The following ASIC2 variants were observed in gnomAD, a reference collection of about 807,000 sequenced individuals.
ASIC2 encodes acid-sensing ion channel 2.
In ASIC2, 25 loss-of-function variants were observed where a neutral mutation model predicts 57.3. That is an observed-to-expected ratio of 0.44 (90% CI 0.32 to 0.61). The LOEUF is 0.61. ASIC2 is among the 20% of genes least tolerant of loss of function. The probability of loss-of-function intolerance (pLI) is 0.06; values close to 1 mark genes in which losing one functional copy is unlikely to be tolerated. For missense variants in ASIC2, 641 were observed against 738.1 expected (o/e 0.87, Z 1.52); for synonymous variants, 319 against 307.5 (o/e 1.04, Z -0.39).
intron 1 of ASIC2, among the ~76,000 whole-genome samples, chr17:33,699,907 C>A (rs909980494): frequency 6.6e-6 from 1 of 152,100 alleles, no homozygotes; most frequent in Non-Finnish European, 1.5e-5. Flanking sequence ...ACAGGACTTT[C>A]GTTTTTAGCA....
At chr17:33,298,964 T>C (rs1905837146) in intron 1 of ASIC2, among the ~76,000 whole-genome samples, 1 of 152,190 alleles carries the variant, frequency 6.6e-6, no homozygotes, top group African/African-American at 2.4e-5. Context: ...GGAAGAACAT[T>C]CCATGCTCAT....
intron 1 of ASIC2, among the ~76,000 whole-genome samples, chr17:33,341,861 G>T (rs1015347220): frequency 6.6e-6 from 1 of 152,146 alleles, no homozygotes; most frequent in Non-Finnish European, 1.5e-5. Context: ...TAAGTTGAAG[G>T]TTTGCCCTGG....
At chr17:33,277,434 G>A (rs554974384) in intron 1 of ASIC2, among the ~76,000 whole-genome samples, 5 of 152,158 alleles carry the variant, frequency 3.3e-5, no homozygotes, top group Admixed American at 1.3e-4. Flanking sequence ...CTGTAAAACA[G>A]GAACAATTCA....
chr17:33,094,470 A>G (rs540002543), intron 2 of ASIC2, among the ~76,000 whole-genome samples: 2 of 152,174 alleles, frequency 1.3e-5, no homozygotes, highest in African/African-American at 4.8e-5. Flanking sequence ...AGCCTTGCCC[A>G]TGCCTTTGTT....
chr17:33,322,481 A>G (rs2069740159), intron 1 of ASIC2, among the ~76,000 whole-genome samples: 1 of 152,186 alleles, frequency 6.6e-6, no homozygotes. Flanking sequence ...TGTGTGCCCA[A>G]TTAATCCACC....
chr17:33,837,069 G>C (rs1003827589), intron 1 of ASIC2, among the ~76,000 whole-genome samples: 1 of 152,144 alleles, frequency 6.6e-6, no homozygotes, highest in Non-Finnish European at 1.5e-5. Context: ...TACTGATTAC[G>C]TGGGCTGAAA....
chr17:33,712,912 T>C (rs1358340039), intron 1 of ASIC2, among the ~76,000 whole-genome samples: 1 of 152,128 alleles, frequency 6.6e-6, no homozygotes, highest in Non-Finnish European at 1.5e-5. Flanking sequence ...CCCAAAGTGC[T>C]GGGATTACAG....
intron 1 of ASIC2, among the ~76,000 whole-genome samples, chr17:33,577,525 G>A (rs1916663935): frequency 6.6e-6 from 1 of 152,058 alleles, no homozygotes. Flanking sequence ...TCCCAACCTG[G>A]CACAGCATTA....
chr17:33,807,324 GAATCTCTCATT>G, intron 1 of ASIC2, among the ~76,000 whole-genome samples: 1 of 152,298 alleles, frequency 6.6e-6, no homozygotes, highest in South Asian at 2.1e-4. Flanking sequence ...TCTGGTCACT[GAATCTCTCATT>G]AATAATTCAC....
intron 1 of ASIC2, among the ~76,000 whole-genome samples, chr17:33,889,855 ATTC>A (rs1389543352): frequency 3.9e-5 from 6 of 152,320 alleles, no homozygotes; most frequent in East Asian, 1.9e-4. Context: ...ATTAGGAACA[ATTC>A]TTCTGGAGCT....
intron 1 of ASIC2, among the ~76,000 whole-genome samples, chr17:33,340,303 T>C (rs1247440092): frequency 1.3e-5 from 2 of 151,972 alleles, no homozygotes; most frequent in African/African-American, 4.8e-5. Flanking sequence ...AGTGGGAGCA[T>C]GATGAGAGAC....
At chr17:33,520,458 C>T (rs911756525) in intron 1 of ASIC2, among the ~76,000 whole-genome samples, 51 of 152,176 alleles carry the variant, frequency 3.4e-4, no homozygotes, top group African/African-American at 1.2e-3. Flanking sequence ...AATTAGTATG[C>T]CTAACTATGT....
At chr17:33,987,132 C>T (rs978583671) in intron 1 of ASIC2, among the ~76,000 whole-genome samples, 8 of 152,156 alleles carry the variant, frequency 5.3e-5, no homozygotes, top group African/African-American at 1.9e-4. Flanking sequence ...AGTTACATAG[C>T]ATATTAACTT....
intron 1 of ASIC2, among the ~76,000 whole-genome samples, chr17:33,719,735 G>T (rs1909330376): frequency 6.6e-6 from 1 of 152,290 alleles, no homozygotes; most frequent in South Asian, 2.1e-4. Flanking sequence ...AAGAAGATTG[G>T]CTTCTCAAAT....
At chr17:33,638,886 G>A (rs957275109) in intron 1 of ASIC2, among the ~76,000 whole-genome samples, 2 of 152,002 alleles carry the variant, frequency 1.3e-5, no homozygotes, top group Admixed American at 1.3e-4. Context: ...CGGCTTCCTT[G>A]TCCATCAGTT....
At chr17:33,667,894 A>T (rs1907526309) in intron 1 of ASIC2, among the ~76,000 whole-genome samples, 1 of 152,204 alleles carries the variant, frequency 6.6e-6, no homozygotes, top group Non-Finnish European at 1.5e-5. Flanking sequence ...AAGGAAACCA[A>T]ATGGCCTGTT....
chr17:33,734,536 A>T lies in ASIC2; in HGVS notation c.555+421442T>A, dbSNP rs563741716. On this transcript the variant is annotated intron_variant, in intron 1 of 9. Transcript: ENST00000359872. ...GTCAATCTCATCTCATTTCCTACCT[A>T]CCCCTCTTCCTTCACTCACTACTAA... Among the ~76,000 whole-genome samples, 314 of 151,504 alleles carry T rather than the reference A, an allele frequency of 2.1e-3. 1 individual carries two copies. Among genetic ancestry groups the T allele is most frequent in the Admixed American group, 3.4e-3 (51 of 15,204 alleles).
At chr17:33,261,331 G>A (rs1420095421) in intron 1 of ASIC2, among the ~76,000 whole-genome samples, 3 of 152,150 alleles carry the variant, frequency 2.0e-5, no homozygotes, top group Non-Finnish European at 4.4e-5. Flanking sequence ...TAATCCTCCT[G>A]TTGTTTGTGG....
At chr17:33,513,611 G>A (rs1205705200) in intron 1 of ASIC2, among the ~76,000 whole-genome samples, 1 of 152,216 alleles carries the variant, frequency 6.6e-6, no homozygotes, top group Admixed American at 6.5e-5. Context: ...CAGCTAGGTT[G>A]GGCATTTTTG....
Sources: allele counts gnomAD v4.1 joint callset (sites outside exome capture counted in the v4.1 genomes callset), GRCh38; gene constraint gnomAD v4.1.1; transcripts MANE v1.5; gene names NCBI Gene and HGNC (gene_info 2026-07-23, HGNC 2026-07-21).